The following IMMP2L variants were observed in gnomAD, a reference collection of about 807,000 sequenced individuals.
IMMP2L encodes inner mitochondrial membrane peptidase subunit 2.
A neutral mutation model predicts 19.3 loss-of-function variants in IMMP2L; 18 were observed. The observed-to-expected ratio is 0.93, with a 90% CI of 0.64 to 1.38. The LOEUF (loss-of-function observed/expected upper bound fraction) is 1.38, where lower values mean the gene tolerates loss of function less well. IMMP2L is among the 40% of genes most tolerant of loss of function. The pLI, the probability that IMMP2L is intolerant of heterozygous loss-of-function variation, is 0.00. For missense variants in IMMP2L, 233 were observed against 218.2 expected (o/e 1.07, Z -0.43); for synonymous variants, 76 against 73.0 (o/e 1.04, Z -0.21).
At position 111,057,714 on chromosome 7, in the gene IMMP2L, T is replaced by G. The variant is rs546975037; in HGVS notation, c.240-94149A>C. On this transcript the variant is annotated intron_variant, in intron 3 of 5. Transcript: ENST00000405709. ...AATAGGCCTAACCCTTCTGTCAAAA[T>G]TCTAATCAACTGGATGCTCATTAAG... Among the ~76,000 whole-genome samples, 5 of 152,322 alleles carry G rather than the reference T, an allele frequency of 3.3e-5. No individual in the cohort carries two copies. The East Asian group carries it at 9.6e-4, about 29-fold the overall frequency.
Position 110,663,437 on chromosome 7 carries a change from A to G in IMMP2L, c.*165T>C. 1 of 571,228 alleles carries G rather than the reference A, an allele frequency of 1.8e-6. No homozygotes were observed. Among genetic ancestry groups the G allele is most frequent in the East Asian group, 3.3e-5 (1 of 30,660 alleles). 35.4% of individuals were successfully genotyped at this position (571,228 alleles called of 1,614,324 possible). Reference sequence around the variant, plus strand: ...CAGGTGCCATTTAATACTGTTTAACATTTGAAAATTATTTATTTAATAATA... The same window carrying G: ...CAGGTGCCATTTAATACTGTTTAACGTTTGAAAATTATTTATTTAATAATA... On this transcript the variant is annotated 3_prime_UTR_variant, in exon 6 of 6. Coordinates refer to ENST00000405709, the MANE Select transcript of IMMP2L (RefSeq NM_032549.4).
chr7:111,160,277 T>C (rs1237286229), intron 3 of IMMP2L, among the ~76,000 whole-genome samples: 2 of 152,074 alleles, frequency 1.3e-5, no homozygotes, highest in Non-Finnish European at 2.9e-5. Flanking sequence ...TATAACGCTA[T>C]AATAAAATGC....
intron 3 of IMMP2L, among the ~76,000 whole-genome samples, chr7:111,451,429 G>A (rs1353294760): frequency 5.3e-5 from 8 of 149,714 alleles, no homozygotes; most frequent in African/African-American, 1.7e-4. Context: ...GGATGAAATT[G>A]GAAACCATCA....
At chr7:110,875,024 T>A (rs1808926043) in intron 5 of IMMP2L, among the ~76,000 whole-genome samples, 1 of 152,082 alleles carries the variant, frequency 6.6e-6, no homozygotes. Context: ...CATGGCCTAA[T>A]GACCTCTTAA....
At position 111,123,305 on chromosome 7, in the gene IMMP2L, T is replaced by C; in HGVS notation, c.240-159740A>G. 1 of 1,613,890 alleles carries C rather than the reference T, an allele frequency of 6.2e-7. No homozygotes were observed. Among genetic ancestry groups the C allele is most frequent in the Non-Finnish European group, 8.5e-7 (1 of 1,179,938 alleles). On this transcript the variant is annotated intron_variant, in intron 3 of 5. Coordinates refer to ENST00000405709, the MANE Select transcript of IMMP2L (RefSeq NM_032549.4). The surrounding 1 kb of genome is among the most constrained non-coding windows in gnomAD (Gnocchi z 6.4). ...CATCTCAATTCAAATAGATTGCAGA[T>C]GATCAACAGTAAGTGGTTTGATGCT... is the stretch of plus-strand genomic sequence containing the variant.
intron 3 of IMMP2L, among the ~76,000 whole-genome samples, chr7:111,001,086 C>A (rs948644160): frequency 3.9e-5 from 6 of 152,108 alleles, no homozygotes; most frequent in Admixed American, 6.6e-5. Flanking sequence ...AATGTGTAGA[C>A]ACAGCATTAT....
chr7:110,792,950 A>C (rs2131159363), intron 5 of IMMP2L, among the ~76,000 whole-genome samples: 1 of 152,210 alleles, frequency 6.6e-6, no homozygotes, highest in East Asian at 1.9e-4. Context: ...ACTGGGGGGC[A>C]TTGTGCTATA....
chr7:110,971,961 T>C (rs556435750), intron 3 of IMMP2L, among the ~76,000 whole-genome samples: 1 of 152,100 alleles, frequency 6.6e-6, no homozygotes, highest in Non-Finnish European at 1.5e-5. Flanking sequence ...TCAAAAATGC[T>C]CACTCTCCTG....
intron 3 of IMMP2L, among the ~76,000 whole-genome samples, chr7:111,476,155 T>A (rs1028278177): frequency 6.6e-6 from 1 of 152,118 alleles, no homozygotes; most frequent in African/African-American, 2.4e-5. Flanking sequence ...CAAGGAACAG[T>A]TAAAGTAACC....
intron 3 of IMMP2L, among the ~76,000 whole-genome samples, chr7:111,325,327 A>G (rs1243796763): frequency 1.3e-5 from 2 of 151,736 alleles, no homozygotes; most frequent in Non-Finnish European, 3.0e-5. Flanking sequence ...CTATCTTTAA[A>G]TTATAAATAA....
At chr7:111,352,344 T>A (rs886761813) in intron 3 of IMMP2L, among the ~76,000 whole-genome samples, 1 of 151,004 alleles carries the variant, frequency 6.6e-6, no homozygotes, top group Non-Finnish European at 1.5e-5. Flanking sequence ...GTAATGCAGG[T>A]ACATGCCACC....
chr7:111,306,137 A>G (rs1327089730), intron 3 of IMMP2L, among the ~76,000 whole-genome samples: 3 of 152,170 alleles, frequency 2.0e-5, no homozygotes, highest in African/African-American at 7.2e-5. Context: ...TAAATTTTCC[A>G]AAGTACATAT....
chr7:111,291,682 A>G (rs1162059545), intron 3 of IMMP2L, among the ~76,000 whole-genome samples: 1 of 152,126 alleles, frequency 6.6e-6, no homozygotes, highest in African/African-American at 2.4e-5. Context: ...TAGTGATCTG[A>G]TGCAAAATGG....
chr7:111,149,099 G>T (rs996875243), intron 3 of IMMP2L, among the ~76,000 whole-genome samples: 1 of 152,062 alleles, frequency 6.6e-6, no homozygotes, highest in East Asian at 1.9e-4. Flanking sequence ...AATACAGTAA[G>T]TAGTTATGTT....
chr7:111,254,691 GA>G (rs1816508092), intron 3 of IMMP2L, among the ~76,000 whole-genome samples: 2 of 151,970 alleles, frequency 1.3e-5, no homozygotes, highest in African/African-American at 4.8e-5. Context: ...TTGGTTCCAG[GA>G]CCACCCACAT....
chr7:110,821,905 G>C (rs566267037), intron 5 of IMMP2L, among the ~76,000 whole-genome samples: 1 of 152,040 alleles, frequency 6.6e-6, no homozygotes, highest in Non-Finnish European at 1.5e-5. Flanking sequence ...CCTGGTGACA[G>C]AGCAAGACTC....
intron 5 of IMMP2L, among the ~76,000 whole-genome samples, chr7:110,773,448 A>G (rs1799170240): frequency 6.6e-6 from 1 of 152,148 alleles, no homozygotes; most frequent in South Asian, 2.1e-4. Context: ...ATATTATGAA[A>G]TACTTCATAT....
chr7:111,058,776 C>A (rs1793742634), intron 3 of IMMP2L, among the ~76,000 whole-genome samples: 1 of 152,270 alleles, frequency 6.6e-6, no homozygotes, highest in South Asian at 2.1e-4. Flanking sequence ...CCACCCCCAA[C>A]AAATGACCCA....
At chr7:110,913,426 C>T (rs1047423131) in intron 4 of IMMP2L, among the ~76,000 whole-genome samples, 2 of 151,304 alleles carry the variant, frequency 1.3e-5, no homozygotes, top group African/African-American at 4.9e-5. Context: ...CCATCTAAAA[C>T]ATAGAAGGAA....
Sources: allele counts gnomAD v4.1 joint callset (sites outside exome capture counted in the v4.1 genomes callset), GRCh38; gene constraint gnomAD v4.1.1; non-coding constraint Gnocchi (gnomAD v3.1); transcripts MANE v1.5; gene names NCBI Gene and HGNC (gene_info 2026-07-23, HGNC 2026-07-21).